The following RNF10 variants were observed in gnomAD, a reference collection of about 807,000 sequenced individuals.
The protein encoded by RNF10 is ring finger protein 10.
RNF10 carries 38 observed loss-of-function variants against 91.4 expected under a neutral mutation model. The observed-to-expected ratio is 0.42, with a 90% CI of 0.32 to 0.54. The LOEUF (loss-of-function observed/expected upper bound fraction) is 0.54, where lower values mean the gene tolerates loss of function less well. Among genes scored for constraint, RNF10 ranks in the 20% least tolerant of loss-of-function variants. The pLI, the probability that RNF10 is intolerant of heterozygous loss-of-function variation, is 0.16. For missense variants in RNF10, 945 were observed against 1,012.0 expected (o/e 0.93, Z 0.90); for synonymous variants, 364 against 366.3 (o/e 0.99, Z 0.07).
chr12:120,565,490 C>G lies in RNF10; in HGVS notation c.1846C>G (p.Arg616Gly). The G allele has an allele frequency of 6.2e-7, 1 of 1,613,944 alleles. No homozygotes were observed. The highest frequency in any genetic ancestry group is 1.1e-5 in the South Asian group (1 of 91,062). ...GGCTCGGGAGGAACGCCGCCGAGAG[C>G]GCAGGATTGAGATAGAGGAGAACAA... is the stretch of plus-strand genomic sequence containing the variant. The part of the protein sequence containing the change: ...KKAREERRRE[R>G]RIEIEENKKQ... The change falls in exon 12 of 17, where the codon CGC becomes GGC. Residue 616 changes from arginine (R) to glycine (G), a missense_variant. Arg to Gly is a moderately radical substitution (Grantham distance 125, BLOSUM62 -2). Transcript: ENST00000325954.
At chr12:120,545,791 G>A (rs183588138) in intron 1 of RNF10, among the ~76,000 whole-genome samples, 6 of 152,114 alleles carry the variant, frequency 3.9e-5, no homozygotes, top group Non-Finnish European at 8.8e-5. Flanking sequence ...CACCTGCCTC[G>A]GCCTTCCAAA....
chr12:120,545,548 A>C (rs893486198), intron 1 of RNF10, among the ~76,000 whole-genome samples: 1 of 146,896 alleles, frequency 6.8e-6, no homozygotes, highest in South Asian at 2.2e-4. Flanking sequence ...TATTTAATTA[A>C]ATTTTTTTTT....
chr12:120,564,110 C>T (rs759986975), intron 10 of RNF10, among the ~76,000 whole-genome samples, 167 bp downstream of exon 10: 5 of 152,132 alleles, frequency 3.3e-5, no homozygotes, highest in Admixed American at 6.5e-5. Context: ...TGAAGTGTCC[C>T]CTCAGCATGC....
chr12:120,534,588 C>A lies in RNF10; in HGVS notation c.-224C>A. 9.2e-7 allele frequency: 1 copy of A among 1,084,712 alleles called. No homozygotes were observed. Among genetic ancestry groups the A allele is most frequent in the Non-Finnish European group, 1.2e-6 (1 of 837,218 alleles). The allele number at this position is 1,084,712 out of a possible 1,614,324, so 67.2% of individuals were successfully genotyped here. ...CCAGGCCCGGCCCGGACTCCCGAGC[C>A]CCGGCCTCCTCGTCCTCGGTCGCCG... On this transcript the variant is annotated 5_prime_UTR_variant, in exon 1 of 17. Transcript: ENST00000325954.
chr12:120,552,811 T>G (rs551733999), intron 3 of RNF10, 113 bp downstream of exon 3: 2 of 918,264 alleles, frequency 2.2e-6, no homozygotes, highest in East Asian at 5.3e-5. Flanking sequence ...GAAAGGGAAT[T>G]GGTCTCGTTC....
At chr12:120,539,994 C>T (rs181208654) in intron 1 of RNF10, among the ~76,000 whole-genome samples, 8 of 151,766 alleles carry the variant, frequency 5.3e-5, no homozygotes, top group African/African-American at 1.2e-4. Context: ...ACCACCACAC[C>T]GGCCTAATTT....
chr12:120,575,902 G>C lies in RNF10; in HGVS notation c.2311G>C (p.Ala771Pro), dbSNP rs1565976208. The C allele has an allele frequency of 4.3e-6, 7 of 1,614,114 alleles. No homozygotes were observed. Among genetic ancestry groups the C allele is most frequent in the Non-Finnish European group, 5.9e-6 (7 of 1,180,030 alleles). Residue 771 changes from alanine (A) to proline (P), a missense_variant, in exon 16 of 17, where the codon GCA becomes CCA. Transcript: ENST00000325954. ...FQNSFSQAIEAAFMKLDTPAT... is the reference protein window; with the variant it reads ...FQNSFSQAIEPAFMKLDTPAT... Reference sequence around the variant, plus strand: ...AAATTCCTTCAGCCAAGCTATTGAAGCAGCCTTCATGAAACTGGACACACC... The same window carrying C: ...AAATTCCTTCAGCCAAGCTATTGAACCAGCCTTCATGAAACTGGACACACC...
intron 6 of RNF10, among the ~76,000 whole-genome samples, chr12:120,559,060 A>C (rs1874436947): frequency 1.9e-5 from 1 of 53,186 alleles, no homozygotes; most frequent in Admixed American, 2.5e-4. Context: ...TTTTAATTTT[A>C]AATTATTTTT....
chr12:120,561,812 A>G (rs1874871938), intron 7 of RNF10, among the ~76,000 whole-genome samples: 1 of 152,132 alleles, frequency 6.6e-6, no homozygotes, highest in Non-Finnish European at 1.5e-5. Flanking sequence ...TATTTGTTCA[A>G]ATGCCATTAC....
At chr12:120,567,152 A>G (rs994736103) in intron 13 of RNF10, among the ~76,000 whole-genome samples, 172 bp downstream of exon 13, 2 of 152,168 alleles carry the variant, frequency 1.3e-5, no homozygotes, top group Non-Finnish European at 2.9e-5. Context: ...CCCACTTGCT[A>G]TACTGACTGC....
At chr12:120,547,089 C>G (rs1872454020) in intron 2 of RNF10, among the ~76,000 whole-genome samples, 1 of 152,018 alleles carries the variant, frequency 6.6e-6, no homozygotes, top group Non-Finnish European at 1.5e-5. Context: ...ACCTAAATGC[C>G]TATCTACAAG....
intron 1 of RNF10, among the ~76,000 whole-genome samples, chr12:120,535,729 A>G (rs1490312749): frequency 1.3e-5 from 2 of 152,190 alleles, no homozygotes; most frequent in Non-Finnish European, 2.9e-5. Context: ...TTAACAGGGA[A>G]GGTTTTATTT....
intron 1 of RNF10, among the ~76,000 whole-genome samples, chr12:120,546,072 G>A (rs934836333): frequency 6.6e-6 from 1 of 152,202 alleles, no homozygotes; most frequent in African/African-American, 2.4e-5. Flanking sequence ...CAGAATGCCT[G>A]TTTCATTTCC....
rs369715030 is a variant in RNF10 at position 120,563,476 on chromosome 12, G to A, written c.1384G>A (p.Gly462Arg). 3.3e-4 allele frequency: 535 copies of A among 1,614,042 alleles called. No homozygotes were observed. Among genetic ancestry groups the A allele is most frequent in the Non-Finnish European group, 4.4e-4 (518 of 1,180,040 alleles). The change falls in exon 9 of 17, where the codon GGG (glycine) becomes AGG (arginine). Residue 462 changes from glycine (G) to arginine (R), a missense_variant. By Grantham distance (125) the Gly-to-Arg change is moderately radical. Coordinates refer to ENST00000325954, the MANE Select transcript of RNF10 (RefSeq NM_014868.5). ...EEAVSEPEPE[G>R]LPEACDDLEL... ...AGCAGTGTCTGAACCAGAGCCTGAG[G>A]GGTTGCCAGAGGCCTGTGATGACTT...
intron 10 of RNF10, 76 bp from the exon 11 acceptor site, chr12:120,564,995 TG>T (rs1303469225): frequency 2.3e-6 from 2 of 884,298 alleles, no homozygotes; most frequent in Non-Finnish European, 3.8e-6. Flanking sequence ...TATATATTGT[TG>T]GATATCGGGG....
At chr12:120,556,530 CAAAAAAAAAAAAAAA>C (rs34889649) in intron 4 of RNF10, among the ~76,000 whole-genome samples, 1 of 19,206 alleles carries the variant, frequency 5.2e-5, no homozygotes, top group South Asian at 3.1e-3. Context: ...GACTCCGTCT[CAAAAAAAAAAAAAAA>C]AAAAAAAAAA....
At position 120,554,758 on chromosome 12, in the gene RNF10, C is replaced by A. The variant is rs754843780; in HGVS notation, c.595C>A (p.His199Asn). 12 of 1,614,006 alleles carry A rather than the reference C, an allele frequency of 7.4e-6. No individual in the cohort carries two copies. The highest frequency in any genetic ancestry group is 1.0e-5 in the Non-Finnish European group (12 of 1,180,000). ...VVSEDQDYTA[H>N]FADPDTLVNW... ...GTCTGAAGACCAAGACTACACAGCTCATTTTGCTGATCCTGATACATTAGT... is the reference window on the plus strand; with the variant it reads ...GTCTGAAGACCAAGACTACACAGCTAATTTTGCTGATCCTGATACATTAGT... The change falls in exon 4 of 17, where the codon CAT (histidine) becomes AAT (asparagine). Residue 199 changes from histidine to asparagine, a missense_variant. Coordinates refer to ENST00000325954, the MANE Select transcript of RNF10 (RefSeq NM_014868.5).
chr12:120,546,618 T>C lies in RNF10; in HGVS notation c.354+17T>C. 6.2e-7 allele frequency: 1 copy of C among 1,607,324 alleles called. No homozygotes were observed. The highest frequency in any genetic ancestry group is 8.5e-7 in the Non-Finnish European group (1 of 1,176,314). On this transcript the variant is annotated intron_variant, in intron 2 of 16. Transcript: ENST00000325954. The stretch of plus-strand genomic sequence containing the variant: ...CGAGATGAGGTATGGAATTTGAGAA[T>C]GTCCTTTCTAGAGCATAAGCATGAG...
chr12:120,536,741 C>G (rs917424036), intron 1 of RNF10, among the ~76,000 whole-genome samples: 1 of 152,208 alleles, frequency 6.6e-6, no homozygotes, highest in Non-Finnish European at 1.5e-5. Flanking sequence ...TTTTTGTACT[C>G]TATTCCCAGA....
Sources: allele counts gnomAD v4.1 joint callset (sites outside exome capture counted in the v4.1 genomes callset), GRCh38; gene constraint gnomAD v4.1.1; transcripts MANE v1.5; gene names NCBI Gene and HGNC (gene_info 2026-07-23, HGNC 2026-07-21).